Variants in SLC38A6 observed in about 807,000 individuals in gnomAD.
The protein encoded by SLC38A6 is solute carrier family 38 member 6.
SLC38A6 carries 73 observed loss-of-function variants against 65.0 expected under a neutral mutation model. The observed-to-expected ratio is 1.12, with a 90% CI of 0.93 to 1.37. The LOEUF (loss-of-function observed/expected upper bound fraction) is 1.37, where lower values mean the gene tolerates loss of function less well. Among genes scored for constraint, SLC38A6 ranks in the 40% most tolerant of loss-of-function variants. SLC38A6 has a pLI of 0.00. For missense variants in SLC38A6, 561 were observed against 531.1 expected, an observed-to-expected ratio of 1.06 and a Z score of -0.55; for synonymous variants, 183 against 178.8, an observed-to-expected ratio of 1.02 and a Z score of -0.19.
chr14:61,080,176 A>G (rs1464095835), intron 16 of SLC38A6, among the ~76,000 whole-genome samples: 1 of 152,114 alleles, frequency 6.6e-6, no homozygotes, highest in Admixed American at 6.5e-5. Context: ...ATTTCTTCCT[A>G]ACTTGCTTTT....
At chr14:61,033,774 A>G (rs577723455) in intron 6 of SLC38A6, among the ~76,000 whole-genome samples, 180 of 152,282 alleles carry the variant, frequency 1.2e-3, no homozygotes, top group Non-Finnish European at 2.1e-3. Context: ...AATGGTAAAG[A>G]AAAGCACTGT....
intron 3 of SLC38A6, among the ~76,000 whole-genome samples, chr14:61,009,793 T>G (rs888041611): frequency 5.3e-5 from 8 of 152,260 alleles, no homozygotes; most frequent in Admixed American, 1.3e-4. Flanking sequence ...GTTGGACATT[T>G]AGGTTGGTTC....
chr14:61,029,735 G>T (rs1354360101), intron 5 of SLC38A6, among the ~76,000 whole-genome samples: 1 of 152,110 alleles, frequency 6.6e-6, no homozygotes, highest in Admixed American at 6.6e-5. Context: ...AATAATGCTA[G>T]CTTCAGGTTA....
At chr14:61,064,238 C>G (rs2042951289) in intron 15 of SLC38A6, among the ~76,000 whole-genome samples, 1 of 152,176 alleles carries the variant, frequency 6.6e-6, no homozygotes, top group Non-Finnish European at 1.5e-5. Context: ...CAGAGCCAGT[C>G]AATCCGATAT....
chr14:61,054,711 C>T (rs892701534), downstream of SLC38A6, among the ~76,000 whole-genome samples: 1 of 152,130 alleles, frequency 6.6e-6, no homozygotes, highest in African/African-American at 2.4e-5. Context: ...AATTTTTGTA[C>T]ATTGATTTTA....
At chr14:60,984,837 A>C (rs755984132) in intron 3 of SLC38A6, 34 bp downstream of exon 3, 2 of 1,584,060 alleles carry the variant, frequency 1.3e-6, no homozygotes, top group African/African-American at 1.3e-5. Context: ...TCATTTAATA[A>C]AGGAGTCTCT....
chr14:61,013,438 T>A (rs1293551033), intron 3 of SLC38A6, among the ~76,000 whole-genome samples: 1 of 152,228 alleles, frequency 6.6e-6, no homozygotes, highest in Non-Finnish European at 1.5e-5. Flanking sequence ...TGATGTTAGC[T>A]GGTTATTTTG....
intron 4 of SLC38A6, among the ~76,000 whole-genome samples, chr14:61,018,913 C>T (rs904863107): frequency 5.3e-5 from 8 of 152,200 alleles, no homozygotes; most frequent in African/African-American, 1.9e-4. Flanking sequence ...AGCTGAGTAG[C>T]ACCTGCCCCA....
chr14:61,069,377 G>C (rs1266054618), intron 15 of SLC38A6, among the ~76,000 whole-genome samples: 2 of 151,786 alleles, frequency 1.3e-5, no homozygotes, highest in Non-Finnish European at 2.9e-5. Flanking sequence ...CCAGATAATG[G>C]CTCGCTACTA....
At chr14:61,078,579 C>T (rs574271267) in intron 15 of SLC38A6, among the ~76,000 whole-genome samples, 6 of 152,074 alleles carry the variant, frequency 3.9e-5, no homozygotes, top group African/African-American at 1.2e-4. Flanking sequence ...CTTCCAAAAG[C>T]TAAAAAGAAG....
At chr14:61,030,630 C>G (rs1239992942) in intron 6 of SLC38A6, 107 bp downstream of exon 6, 1 of 727,428 alleles carries the variant, frequency 1.4e-6, no homozygotes, top group Non-Finnish European at 2.3e-6. Context: ...AAATGTAGTC[C>G]TTGCCCTCAA....
chr14:60,994,432 C>T (rs1303773602), intron 3 of SLC38A6, among the ~76,000 whole-genome samples: 1 of 152,100 alleles, frequency 6.6e-6, no homozygotes, highest in Non-Finnish European at 1.5e-5. Flanking sequence ...GTAATCCCAG[C>T]TACTCAGGAG....
chr14:60,989,050 C>G (rs1286471544), intron 3 of SLC38A6, among the ~76,000 whole-genome samples: 2 of 152,122 alleles, frequency 1.3e-5, no homozygotes, highest in African/African-American at 2.4e-5. Context: ...CCTGTCAAAC[C>G]TTCGACACTT....
chr14:61,039,813 A>G (rs1339427131), intron 8 of SLC38A6, among the ~76,000 whole-genome samples: 2 of 152,084 alleles, frequency 1.3e-5, no homozygotes, highest in Admixed American at 1.3e-4. Context: ...GTTTGTAAAT[A>G]TGTATAGCAT....
At position 61,014,944 on chromosome 14, in the gene SLC38A6, T is replaced by A. The variant is rs184646770; in HGVS notation, c.311-960T>A. Among the ~76,000 whole-genome samples, 17 of 152,288 alleles carry A rather than the reference T, an allele frequency of 1.1e-4. No individual in the cohort carries two copies. In the East Asian group the frequency reaches 2.7e-3, roughly 24 times the overall value. On this transcript the variant is annotated intron_variant, in intron 3 of 15. Transcript: ENST00000267488. The stretch of plus-strand genomic sequence containing the variant: ...AGAGACATTTAAGTCTGGACAGGTT[T>A]CTCTGCCTTTTGTTTGGCTATGCCC...
chr14:61,000,820 C>T (rs1595012180), intron 3 of SLC38A6, among the ~76,000 whole-genome samples: 1 of 152,114 alleles, frequency 6.6e-6, no homozygotes, highest in East Asian at 1.9e-4. Flanking sequence ...GAATTCCATT[C>T]AGCACTATGA....
intron 3 of SLC38A6, among the ~76,000 whole-genome samples, chr14:60,985,622 G>C (rs1335713338): frequency 6.6e-6 from 1 of 152,128 alleles, no homozygotes; most frequent in African/African-American, 2.4e-5. Context: ...GTGATGTTCA[G>C]ATTTTAAGAA....
chr14:61,014,057 A>C (rs980898462), intron 3 of SLC38A6, among the ~76,000 whole-genome samples: 5 of 152,122 alleles, frequency 3.3e-5, no homozygotes, highest in African/African-American at 1.2e-4. Flanking sequence ...ACATAGTCCC[A>C]TATTTCTTGG....
At position 60,985,390 on chromosome 14, in the gene SLC38A6, T is replaced by C. The variant is rs554791255; in HGVS notation, c.310+587T>C. ...GGAATTTTATTATGCAATTCAGTCATGTATTGAATAAGTTCTTTTAGGATC... is the reference window on the plus strand; with the variant it reads ...GGAATTTTATTATGCAATTCAGTCACGTATTGAATAAGTTCTTTTAGGATC... On this transcript the variant is annotated intron_variant, in intron 3 of 15. Coordinates refer to ENST00000267488, the MANE Select transcript of SLC38A6 (RefSeq NM_153811.3). Among the ~76,000 whole-genome samples, 70 of 152,360 alleles carry C rather than the reference T, an allele frequency of 4.6e-4. No individual in the cohort carries two copies. The South Asian group carries it at 0.014, about 31-fold the overall frequency.
Sources: allele counts gnomAD v4.1 joint callset (sites outside exome capture counted in the v4.1 genomes callset), GRCh38; gene constraint gnomAD v4.1.1; transcripts MANE v1.5; gene names NCBI Gene and HGNC (gene_info 2026-07-23, HGNC 2026-07-21).